ARHGAP17: variants seen among roughly 807,000 people sequenced by gnomAD.
The protein encoded by ARHGAP17 is Rho GTPase activating protein 17.
Under a neutral mutation model 99.5 loss-of-function variants are expected in ARHGAP17, and 57 were observed. The observed-to-expected ratio is 0.57, with a 90% CI of 0.46 to 0.71. ARHGAP17 has a LOEUF of 0.71. Ranked by LOEUF, ARHGAP17 falls within the 30% of genes least tolerant of loss-of-function variation. The pLI, the probability that ARHGAP17 is intolerant of heterozygous loss-of-function variation, is 0.00. For missense variants in ARHGAP17, 1,000 were observed against 1,122.4 expected (o/e 0.89, Z 1.56); for synonymous variants, 417 against 429.6 (o/e 0.97, Z 0.36).
rs66976038 is a variant in ARHGAP17, at chr16:25,008,843, TC to T, written c.53+6365del. Among the ~76,000 whole-genome samples the T allele has an allele frequency of 7.1e-3, 1,074 of 152,310 alleles. 5 individuals carry two copies. Among genetic ancestry groups the T allele is most frequent in the Non-Finnish European group, 8.6e-3 (586 of 68,024 alleles). The stretch of plus-strand genomic sequence containing the variant: ...CATTTTTATGGTTTTAGAGTTCATT[TC>T]TTCCCCCCAGTAAAGAATGGATTTT... On this transcript the variant is annotated intron_variant, in intron 1 of 19. Coordinates refer to ENST00000289968, the MANE Select transcript of ARHGAP17 (RefSeq NM_001006634.3).
chr16:24,926,302 C>G (rs1051355169), intron 19 of ARHGAP17, among the ~76,000 whole-genome samples: 5 of 151,806 alleles, frequency 3.3e-5, no homozygotes, highest in African/African-American at 1.2e-4. Context: ...ACTCTGTCAC[C>G]CAGGCTGGAG....
chr16:24,949,368 T>G (rs2051566813), intron 13 of ARHGAP17, 36 bp downstream of exon 13: 1 of 1,554,648 alleles, frequency 6.4e-7, no homozygotes, highest in Non-Finnish European at 8.8e-7. Context: ...TAAACTTATC[T>G]TCACTCCAGA....
chr16:24,966,111 G>T (rs1366055095), intron 6 of ARHGAP17, among the ~76,000 whole-genome samples: 2 of 152,206 alleles, frequency 1.3e-5, no homozygotes, highest in African/African-American at 4.8e-5. Context: ...AGCATTTGCT[G>T]CCTTGTTTAA....
chr16:24,983,440 G>C (rs8045116), intron 1 of ARHGAP17, among the ~76,000 whole-genome samples: 1 of 151,688 alleles, frequency 6.6e-6, no homozygotes, highest in Non-Finnish European at 1.5e-5. Context: ...TAGCTGGGAC[G>C]AGAGATGCGC....
intron 1 of ARHGAP17, among the ~76,000 whole-genome samples, chr16:24,996,117 G>T (rs746950804): frequency 2.0e-5 from 3 of 152,000 alleles, no homozygotes; most frequent in African/African-American, 4.8e-5. Flanking sequence ...ATTTTTTTGG[G>T]GGGGGAGGGA....
At chr16:24,961,518 A>ATTTTTT (rs1171754361) in intron 7 of ARHGAP17, among the ~76,000 whole-genome samples, 11 of 81,498 alleles carry the variant, frequency 1.3e-4, no homozygotes, top group South Asian at 4.9e-4. Context: ...AAAAAAAAAA[A>ATTTTTT]TTTTTTTTTT....
At chr16:24,980,683 T>C (rs1010597242) in intron 1 of ARHGAP17, among the ~76,000 whole-genome samples, 1 of 152,222 alleles carries the variant, frequency 6.6e-6, no homozygotes, top group Non-Finnish European at 1.5e-5. Flanking sequence ...ACAGTCAGCC[T>C]AGCAAGAACA....
intron 1 of ARHGAP17, among the ~76,000 whole-genome samples, chr16:25,009,557 G>A (rs575772712): frequency 5.9e-4 from 90 of 152,302 alleles, no homozygotes; most frequent in African/African-American, 2.1e-3. Context: ...GGCAGCAGGG[G>A]ACTGTTCTGG....
intron 11 of ARHGAP17, 89 bp from the exon 12 acceptor site, chr16:24,952,459 A>C: frequency 1.7e-5 from 17 of 974,438 alleles, no homozygotes; most frequent in Non-Finnish European, 2.7e-5. Context: ...AAATGATCTC[A>C]ATAACGATCT....
chr16:24,973,739 T>C (rs563730331), intron 3 of ARHGAP17, among the ~76,000 whole-genome samples: 44 of 152,384 alleles, frequency 2.9e-4, no homozygotes, highest in African/African-American at 9.9e-4. Context: ...TCCATTTGTA[T>C]GTATCTCCCC....
intron 6 of ARHGAP17, among the ~76,000 whole-genome samples, chr16:24,967,793 A>AG (rs1440283002): frequency 1.3e-5 from 2 of 151,942 alleles, no homozygotes; most frequent in African/African-American, 2.4e-5. Flanking sequence ...AAAAAAAAAA[A>AG]AAAAGAAAAG....
In ARHGAP17 at chr16:24,927,871, A is replaced by G. The variant is rs1356685176; in HGVS notation, c.2515+2913T>C. ...TAGAGTCACAATTAACAGGAGACTCAAAATGATGCCAGAATGCCGGCATCC... is the reference window on the plus strand; with the variant it reads ...TAGAGTCACAATTAACAGGAGACTCGAAATGATGCCAGAATGCCGGCATCC... On this transcript the variant is annotated intron_variant, in intron 19 of 19. Coordinates refer to ENST00000289968, the MANE Select transcript of ARHGAP17 (RefSeq NM_001006634.3). 13 of 280,752 alleles carry G rather than the reference A, an allele frequency of 4.6e-5. No individual in the cohort carries two copies. The Admixed American group carries it at 5.4e-4, about 12-fold the overall frequency. The allele number at this position is 280,752 out of a possible 1,614,324, so 17.4% of individuals were successfully genotyped here.
intron 14 of ARHGAP17, among the ~76,000 whole-genome samples, chr16:24,944,090 G>C (rs7184254): frequency 0.035 from 5,394 of 151,972 alleles, 256 homozygotes; most frequent in African/African-American, 0.11. Context: ...GGCCAACATG[G>C]TGAAACCCCG....
intron 1 of ARHGAP17, 140 bp downstream of exon 1, chr16:25,015,069 G>T: frequency 1.2e-6 from 1 of 835,558 alleles, no homozygotes; most frequent in Non-Finnish European, 1.5e-6. Flanking sequence ...GCAGCCCCCG[G>T]GCCCGTGCCC....
intron 1 of ARHGAP17, among the ~76,000 whole-genome samples, chr16:25,000,572 G>T (rs1041652903): frequency 1.3e-5 from 2 of 152,130 alleles, no homozygotes; most frequent in Admixed American, 1.3e-4. Context: ...TCTGGCAACG[G>T]GGGGGTTATT....
At position 24,967,706 on chromosome 16, in the gene ARHGAP17, T is replaced by C. The variant is rs567619209; in HGVS notation, c.461+645A>G. 2.7e-5 allele frequency among the ~76,000 whole-genome samples: 4 copies of C among 148,882 alleles called. No homozygotes were observed. In the East Asian group the frequency reaches 7.9e-4, roughly 29 times the overall value. ...GGGATGCCGAGGCAGAAGGATCACT[T>C]GAGCCTGGGAGTCTGAGGCTGCAGT... is the stretch of plus-strand genomic sequence containing the variant. On this transcript the variant is annotated intron_variant, in intron 6 of 19. Transcript: ENST00000289968.
intron 4 of ARHGAP17, 62 bp from the exon 5 acceptor site, chr16:24,968,834 T>C (rs978304986): frequency 1.3e-6 from 2 of 1,493,778 alleles, no homozygotes; most frequent in Admixed American, 3.4e-5. Flanking sequence ...TGGATTATCG[T>C]GTGGATCAGT....
intron 7 of ARHGAP17, among the ~76,000 whole-genome samples, chr16:24,961,842 A>C (rs1029060156): frequency 6.7e-6 from 1 of 150,058 alleles, no homozygotes; most frequent in Non-Finnish European, 1.5e-5. Flanking sequence ...CCAAAAAGAA[A>C]TTTTAAGTGA....
In ARHGAP17 at chr16:24,952,251, C is replaced by A. The variant is rs1018469543; in HGVS notation, c.1046+38G>T. The stretch of plus-strand genomic sequence containing the variant: ...AAATAGGGCACAATATCACTTCATT[C>A]CCTTTAACATTTACAACTCTGTGTT... On this transcript the variant is annotated intron_variant, in intron 12 of 19. Transcript: ENST00000289968. The A allele has an allele frequency of 3.3e-6, 5 of 1,506,168 alleles. No individual in the cohort carries two copies. In the African/African-American group the frequency reaches 6.9e-5, roughly 21 times the overall value. The allele number at this position is 1,506,168 out of a possible 1,614,324, so 93.3% of individuals were successfully genotyped here. A position where few individuals can be genotyped will look rare whatever the true frequency, so the allele number is the denominator to read the frequency against.
Sources: gnomAD v4.1 joint callset for allele counts (sites outside exome capture counted in the v4.1 genomes callset) on GRCh38, gnomAD v4.1.1 for gene constraint, MANE v1.5 for transcripts, NCBI Gene and HGNC (gene_info 2026-07-23, HGNC 2026-07-21) for gene names.